The following PEAK1 variants were observed in gnomAD, a reference collection of about 807,000 sequenced individuals.
The protein encoded by PEAK1 is pseudopodium enriched atypical kinase 1.
PEAK1 carries 54 observed loss-of-function variants against 124.7 expected under a neutral mutation model. The ratio of observed to expected loss-of-function variants is 0.43; its 90% CI spans 0.35 to 0.54. The LOEUF is 0.54. Ranked by LOEUF, PEAK1 falls within the 20% of genes least tolerant of loss-of-function variation. The pLI is 0.01. For missense variants in PEAK1, 2,046 were observed against 2,134.5 expected (o/e 0.96, Z 0.82); for synonymous variants, 719 against 760.0 (o/e 0.95, Z 0.89).
intron 5 of PEAK1, among the ~76,000 whole-genome samples, chr15:77,267,997 T>C (rs1014969540): frequency 2.0e-5 from 3 of 151,974 alleles, no homozygotes; most frequent in African/African-American, 7.3e-5. Flanking sequence ...TCCAGTGTAA[T>C]AGATAGCATA....
intron 2 of PEAK1, chr15:77,352,105 A>G: frequency 1.2e-6 from 1 of 848,014 alleles, no homozygotes; most frequent in Non-Finnish European, 1.4e-6. Flanking sequence ...CTGTGGTTCC[A>G]GCTACTCAGG....
intron 7 of PEAK1, among the ~76,000 whole-genome samples, chr15:77,163,939 T>G (rs1338120253): frequency 1.3e-5 from 2 of 152,202 alleles, no homozygotes. Context: ...TTTCCAGAGC[T>G]GCGTATTTCT....
exon 7 of PEAK1, chr15:77,100,946 G>A (rs1596187572): frequency 1.3e-5 from 2 of 152,370 alleles, no homozygotes; most frequent in Admixed American, 1.3e-4. Flanking sequence ...GCTCTGATGT[G>A]GGCAGCAGGC....
chr15:77,301,467 G>C (rs2063782395), intron 2 of PEAK1, among the ~76,000 whole-genome samples: 1 of 152,158 alleles, frequency 6.6e-6, no homozygotes, highest in Non-Finnish European at 1.5e-5. Flanking sequence ...TAATCTCTTA[G>C]GGGAGCGGGG....
At chr15:77,222,922 T>C (rs2059453958) in intron 6 of PEAK1, among the ~76,000 whole-genome samples, 1 of 152,054 alleles carries the variant, frequency 6.6e-6, no homozygotes. Flanking sequence ...GACAACTCTT[T>C]AGACTTCTGC....
chr15:77,129,495 G>A (rs1393160575), intron 9 of PEAK1, among the ~76,000 whole-genome samples: 3 of 150,110 alleles, frequency 2.0e-5, no homozygotes, highest in Admixed American at 6.6e-5. Flanking sequence ...AGGCTGGAGT[G>A]CAGTGCCTCA....
Position 77,402,114 on chromosome 15 carries a change from G to A in PEAK1, c.-666+17892C>T, listed in dbSNP as rs891593450. The A allele has an allele frequency of 5.5e-6, 5 of 901,480 alleles. No individual in the cohort carries two copies. The African/African-American group carries it at 9.4e-5, about 17-fold the overall frequency. The allele number at this position is 901,480 out of a possible 1,614,324, so 55.8% of individuals were successfully genotyped here. A position where few individuals can be genotyped will look rare whatever the true frequency, so the allele number is the denominator to read the frequency against. ...CTATGGTGGCTGAGACGGGATAATTGTTTCAACCCGGGAGGCAGAGGTTGT... is the reference window on the plus strand; with the variant it reads ...CTATGGTGGCTGAGACGGGATAATTATTTCAACCCGGGAGGCAGAGGTTGT... On this transcript the variant is annotated intron_variant, in intron 1 of 9. Coordinates refer to ENST00000682557, the MANE Select transcript of PEAK1 (RefSeq NM_001385026.1).
At chr15:77,261,134 T>C (rs1301664116) in intron 5 of PEAK1, among the ~76,000 whole-genome samples, 2 of 152,046 alleles carry the variant, frequency 1.3e-5, no homozygotes, top group African/African-American at 4.8e-5. Context: ...GTCACCATCA[T>C]CAAAGACCAA....
chr15:77,203,922 C>T (rs976978819), intron 6 of PEAK1, among the ~76,000 whole-genome samples: 6 of 151,902 alleles, frequency 3.9e-5, no homozygotes, highest in Non-Finnish European at 5.9e-5. Context: ...AGCTGAACCT[C>T]ATTAAAATTA....
intron 2 of PEAK1, among the ~76,000 whole-genome samples, chr15:77,306,642 C>G (rs1398535603): frequency 5.3e-5 from 8 of 152,030 alleles, no homozygotes; most frequent in Non-Finnish European, 1.0e-4. Flanking sequence ...TTTCTTTTGT[C>G]TCGGCTGCTT....
intron 2 of PEAK1, chr15:77,348,424 C>G (rs1386682474): frequency 1.1e-6 from 1 of 926,146 alleles, no homozygotes; most frequent in Non-Finnish European, 1.3e-6. Context: ...CTTTAAAAAA[C>G]AGCTGATTTT....
chr15:77,124,256 C>T (rs1430063482), intron 9 of PEAK1, among the ~76,000 whole-genome samples: 1 of 152,212 alleles, frequency 6.6e-6, no homozygotes, highest in Non-Finnish European at 1.5e-5. Flanking sequence ...TGGGCCTTTT[C>T]CCACTTTGCA....
chr15:77,189,967 T>C (rs1451396200), intron 6 of PEAK1, among the ~76,000 whole-genome samples: 2 of 151,950 alleles, frequency 1.3e-5, no homozygotes, highest in South Asian at 2.1e-4. Context: ...AAAAAGGAAA[T>C]TGGGAAGGAA....
chr15:77,403,163 T>G, intron 1 of PEAK1: 1 of 985,402 alleles, frequency 1.0e-6, no homozygotes, highest in East Asian at 1.1e-4. Flanking sequence ...ACTGCTACTT[T>G]GCCTGTATCA....
At chr15:77,157,030 C>T (rs2055213440) in intron 8 of PEAK1, 9 of 152,182 alleles carry the variant, frequency 5.9e-5, no homozygotes, top group Admixed American at 5.9e-4. Flanking sequence ...CTTCTTCTTA[C>T]ACAATGTATT....
At chr15:77,126,866 AAG>A (rs2052418840) in intron 9 of PEAK1, among the ~76,000 whole-genome samples, 1 of 152,234 alleles carries the variant, frequency 6.6e-6, no homozygotes, top group African/African-American at 2.4e-5. Context: ...ATAAATATGA[AAG>A]AGGAAAACCT....
chr15:77,227,824 T>C (rs958728212), intron 6 of PEAK1, among the ~76,000 whole-genome samples: 6 of 151,532 alleles, frequency 4.0e-5, no homozygotes, highest in Admixed American at 2.6e-4. Context: ...ATAGCAAGGC[T>C]CCAGGTCAAC....
At chr15:77,224,443 C>T (rs952107815) in intron 6 of PEAK1, among the ~76,000 whole-genome samples, 1 of 152,038 alleles carries the variant, frequency 6.6e-6, no homozygotes, top group Non-Finnish European at 1.5e-5. Context: ...TTCTCTTGCA[C>T]TGACTGTCAA....
At chr15:77,301,608 G>T (rs905036332) in intron 2 of PEAK1, among the ~76,000 whole-genome samples, 1 of 152,112 alleles carries the variant, frequency 6.6e-6, no homozygotes, top group Non-Finnish European at 1.5e-5. Flanking sequence ...AACCACACAG[G>T]TAAAGTGTCA....
Sources: gnomAD v4.1 joint callset for allele counts (sites outside exome capture counted in the v4.1 genomes callset) on GRCh38, gnomAD v4.1.1 for gene constraint, MANE v1.5 for transcripts, NCBI Gene and HGNC (gene_info 2026-07-23, HGNC 2026-07-21) for gene names.